Variants in CREB1 observed in about 807,000 individuals in gnomAD.
CREB1 encodes the protein cyclic AMP-responsive element-binding protein 1.
Under a neutral mutation model 42.0 loss-of-function variants are expected in CREB1, and 2 were observed. That is an observed-to-expected ratio of 0.05 (90% CI 0.02 to 0.15). The LOEUF is 0.15. Among genes scored for constraint, CREB1 ranks in the 10% least tolerant of loss-of-function variants. CREB1 has a pLI of 1.00. For synonymous variants in CREB1, 123 were observed against 139.9 expected (o/e 0.88, Z 0.85); for missense variants, 199 against 388.9 (o/e 0.51, Z 4.11).
At chr2:207,575,233 G>T (rs748696136) in intron 5 of CREB1, 39 bp from the exon 6 acceptor site, 22 of 1,564,148 alleles carry the variant, frequency 1.4e-5, no homozygotes, top group Non-Finnish European at 1.9e-5. Flanking sequence ...AGTCTTATAT[G>T]GTATTAAACT....
At chr2:207,539,430 G>A (rs1003544364) in intron 1 of CREB1, among the ~76,000 whole-genome samples, 1 of 151,994 alleles carries the variant, frequency 6.6e-6, no homozygotes, top group African/African-American at 2.4e-5. Flanking sequence ...GTGACACCTT[G>A]ACTTTATGTA....
chr2:207,540,431 A>G (rs925544494), intron 1 of CREB1, among the ~76,000 whole-genome samples: 31 of 152,070 alleles, frequency 2.0e-4, no homozygotes, highest in African/African-American at 7.5e-4. Context: ...GCTTGAGCCC[A>G]GGAGTTTCAA....
At chr2:207,534,691 G>A (rs1348121230) in intron 1 of CREB1, 2 of 152,152 alleles carry the variant, frequency 1.3e-5, no homozygotes, top group African/African-American at 4.8e-5. Context: ...GAAGTGAGGA[G>A]TATATTTTTT....
At chr2:207,536,093 G>A (rs780496839) in intron 1 of CREB1, among the ~76,000 whole-genome samples, 3 of 152,114 alleles carry the variant, frequency 2.0e-5, no homozygotes, top group African/African-American at 7.2e-5. Flanking sequence ...GATTACAAGC[G>A]TGAGCCACCA....
chr2:207,554,174 C>T (rs1279778440), intron 1 of CREB1, among the ~76,000 whole-genome samples: 1 of 152,076 alleles, frequency 6.6e-6, no homozygotes, highest in Non-Finnish European at 1.5e-5. Flanking sequence ...TTTTCCTTGT[C>T]ATCTGTGTTT....
rs1432201116 is a variant in CREB1, at chr2:207,601,829, C to T, written c.*4771C>T. 1 of 219,168 alleles carries T rather than the reference C, an allele frequency of 4.6e-6. No homozygotes were observed. The allele number at this position is 219,168 out of a possible 1,614,324, so 13.6% of individuals were successfully genotyped here. ...AGAGTTGTGAGATAAATAGTTCACTCAGTTGTACAAAGCACAACTAGAACT... is the reference window on the plus strand; with the variant it reads ...AGAGTTGTGAGATAAATAGTTCACTTAGTTGTACAAAGCACAACTAGAACT... On this transcript the variant is annotated 3_prime_UTR_variant, in exon 8 of 8. Coordinates refer to ENST00000353267, the MANE Select transcript of CREB1 (RefSeq NM_004379.5).
intron 3 of CREB1, among the ~76,000 whole-genome samples, chr2:207,561,546 A>C (rs543645047): frequency 6.6e-6 from 1 of 152,340 alleles, no homozygotes; most frequent in East Asian, 1.9e-4. Context: ...CTATTCTCGG[A>C]AACTAGATTA....
Position 207,605,460 on chromosome 2 carries a change from C to G in CREB1, c.*8402C>G, listed in dbSNP as rs1378516566. On this transcript the variant is annotated 3_prime_UTR_variant, in exon 8 of 8. Coordinates refer to ENST00000353267, the MANE Select transcript of CREB1 (RefSeq NM_004379.5). The stretch of plus-strand genomic sequence containing the variant: ...TACTAGGCCCTTATAATATTTTCGC[C>G]TATAAGTTTTTGCTTTATAATGTCC... 6.6e-6 allele frequency among the ~76,000 whole-genome samples: 1 copy of G among 152,054 alleles called. No individual in the cohort carries two copies. Among genetic ancestry groups the G allele is most frequent in the Admixed American group, 6.6e-5 (1 of 15,256 alleles).
intron 1 of CREB1, among the ~76,000 whole-genome samples, chr2:207,546,354 G>C (rs540242633): frequency 1.5e-4 from 23 of 152,202 alleles, no homozygotes; most frequent in Non-Finnish European, 3.2e-4. Flanking sequence ...GTATGATACT[G>C]TAATGGTGGA....
intron 7 of CREB1, among the ~76,000 whole-genome samples, chr2:207,591,062 GTAT>G (rs1392791535): frequency 2.0e-5 from 3 of 152,062 alleles, no homozygotes; most frequent in Admixed American, 6.5e-5. Context: ...AACATACTTT[GTAT>G]TATTTTTATT....
intron 1 of CREB1, among the ~76,000 whole-genome samples, chr2:207,536,984 C>T: frequency 6.6e-6 from 1 of 152,048 alleles, no homozygotes. Flanking sequence ...AGCAAGATGC[C>T]ATCTCATAAA....
intron 7 of CREB1, among the ~76,000 whole-genome samples, chr2:207,589,312 C>T (rs938674491): frequency 6.6e-6 from 1 of 152,096 alleles, no homozygotes; most frequent in Non-Finnish European, 1.5e-5. Flanking sequence ...TGCCTCATGG[C>T]CCCCTTTCTC....
intron 3 of CREB1, 62 bp from the exon 4 acceptor site, chr2:207,567,401 T>C (rs1393953565): frequency 2.5e-5 from 30 of 1,193,000 alleles, no homozygotes; most frequent in African/African-American, 4.7e-5. Context: ...TTATATTTGT[T>C]TAATAAAAAT....
intron 5 of CREB1, 137 bp downstream of exon 5, chr2:207,570,458 T>C: frequency 2.6e-6 from 2 of 769,654 alleles, no homozygotes; most frequent in Non-Finnish European, 4.0e-6. Context: ...ATATTTCCTT[T>C]ACTCTTCACT....
chr2:207,575,371 A>G lies in CREB1; in HGVS notation c.605A>G (p.Gln202Arg). The G allele has an allele frequency of 6.2e-7, 1 of 1,614,186 alleles. No individual in the cohort carries two copies. The highest frequency in any genetic ancestry group is 8.5e-7 in the Non-Finnish European group (1 of 1,180,018). Residue 202 changes from glutamine to arginine, a missense_variant, in exon 6 of 8, where the codon CAG becomes CGG. Coordinates refer to ENST00000353267, the MANE Select transcript of CREB1 (RefSeq NM_004379.5). ...TLTMTNAAATQPGTTILQYAQ... is the reference protein window; with the variant it reads ...TLTMTNAAATRPGTTILQYAQ... ...ACCATGACCAATGCAGCAGCCACTC[A>G]GCCGGGTACTACCATTCTACAGTAT...
At chr2:207,534,741 CATG>C (rs1322946521) in intron 1 of CREB1, 1 of 152,226 alleles carries the variant, frequency 6.6e-6, no homozygotes, top group East Asian at 1.9e-4. Context: ...AATTCATTCA[CATG>C]ATCTATAATT....
chr2:207,532,155 G>C (rs914453247), intron 1 of CREB1, among the ~76,000 whole-genome samples: 1 of 151,662 alleles, frequency 6.6e-6, no homozygotes, highest in Non-Finnish European at 1.5e-5. Flanking sequence ...AGGAGTGCAA[G>C]ACCAGCCTGG....
intron 2 of CREB1, 74 bp downstream of exon 2, chr2:207,555,823 T>C: frequency 3.3e-6 from 3 of 917,634 alleles, no homozygotes; most frequent in Non-Finnish European, 5.2e-6. Flanking sequence ...ATTTAGTTGT[T>C]ATTACATAGA....
intron 7 of CREB1, chr2:207,581,808 G>C: frequency 1.4e-6 from 1 of 698,988 alleles, no homozygotes; most frequent in East Asian, 2.7e-5. Flanking sequence ...TCCAGTTTGG[G>C]TACCATATCG....
Sources: allele counts gnomAD v4.1 joint callset (sites outside exome capture counted in the v4.1 genomes callset), GRCh38; gene constraint gnomAD v4.1.1; transcripts MANE v1.5; gene names NCBI Gene and HGNC (gene_info 2026-07-23, HGNC 2026-07-21).